DENND4A: variants seen among roughly 807,000 people sequenced by gnomAD.
The protein encoded by DENND4A is C-myc promoter-binding protein.
Under a neutral mutation model 199.3 loss-of-function variants are expected in DENND4A, and 70 were observed. That is an observed-to-expected ratio of 0.35 (90% CI 0.29 to 0.43). DENND4A has a LOEUF of 0.43. DENND4A is among the 20% of genes least tolerant of loss of function. DENND4A has a pLI of 1.00. For synonymous variants in DENND4A, 686 were observed against 766.9 expected, an observed-to-expected ratio of 0.89 and a Z score of 1.74; for missense variants, 1,723 against 2,255.8, an observed-to-expected ratio of 0.76 and a Z score of 4.78.
At chr15:65,715,788 A>C (rs2075380152) in intron 13 of DENND4A, among the ~76,000 whole-genome samples, 165 bp from the exon 14 acceptor site, 1 of 152,208 alleles carries the variant, frequency 6.6e-6, no homozygotes, top group Non-Finnish European at 1.5e-5. Flanking sequence ...AAATAGGAGA[A>C]TAGTAATAAA....
chr15:65,783,732 AAAAT>A (rs1248616512), intron 1 of DENND4A, among the ~76,000 whole-genome samples: 1 of 152,252 alleles, frequency 6.6e-6, no homozygotes, highest in Non-Finnish European at 1.5e-5. Flanking sequence ...TTTGAGCAAC[AAAAT>A]AAATAAAGTA....
At chr15:65,718,283 G>A (rs1212949092) in intron 12 of DENND4A, among the ~76,000 whole-genome samples, 1 of 152,084 alleles carries the variant, frequency 6.6e-6, no homozygotes, top group Non-Finnish European at 1.5e-5. Context: ...CTAGACCAAG[G>A]CAGGAGGATC....
At chr15:65,773,352 A>G (rs2077193008) in intron 1 of DENND4A, among the ~76,000 whole-genome samples, 1 of 152,236 alleles carries the variant, frequency 6.6e-6, no homozygotes, top group African/African-American at 2.4e-5. Context: ...CACAAAGACA[A>G]ATGAGACATG....
At chr15:65,693,267 G>T (rs193117521) in intron 22 of DENND4A, among the ~76,000 whole-genome samples, 8 of 152,212 alleles carry the variant, frequency 5.3e-5, no homozygotes, top group African/African-American at 1.7e-4. Context: ...CCTGAAAAAA[G>T]AAATAGATAT....
At chr15:65,706,759 G>A (rs993742720) in intron 14 of DENND4A, among the ~76,000 whole-genome samples, 6 of 152,142 alleles carry the variant, frequency 3.9e-5, no homozygotes, top group Admixed American at 3.3e-4. Context: ...CTCCCAAAGT[G>A]CTGGGATTAC....
At chr15:65,704,737 C>T (rs150950192) in intron 15 of DENND4A, among the ~76,000 whole-genome samples, 1 of 151,922 alleles carries the variant, frequency 6.6e-6, no homozygotes, top group Non-Finnish European at 1.5e-5. Context: ...ATTACAGGCA[C>T]CTGCAACCAT....
intron 11 of DENND4A, among the ~76,000 whole-genome samples, chr15:65,728,041 C>T (rs1045686161): frequency 6.6e-6 from 1 of 151,808 alleles, no homozygotes; most frequent in Non-Finnish European, 1.5e-5. Context: ...CAGAGTCTCC[C>T]TCCGTTACCC....
Position 65,752,537 on chromosome 15 carries a change from T to C in DENND4A, c.403A>G (p.Thr135Ala), listed in dbSNP as rs377437356. ...YGRPANISGS[T>A]SSQRIYITYR... ...GTGATATAAATTCTTTGTGATGAGG[T>C]ACTCCCACTAATATTTGCGGGGCGC... Residue 135 changes from threonine to alanine, a missense_variant, in exon 4 of 33, where the codon ACC becomes GCC. Transcript: ENST00000443035. 1.9e-6 allele frequency: 3 copies of C among 1,613,390 alleles called. No individual in the cohort carries two copies. The highest frequency in any genetic ancestry group is 1.1e-5 in the South Asian group (1 of 91,042).
intron 24 of DENND4A, among the ~76,000 whole-genome samples, chr15:65,675,314 G>A (rs1275040450): frequency 6.6e-6 from 1 of 151,860 alleles, no homozygotes; most frequent in Non-Finnish European, 1.5e-5. Context: ...ATATTAAGAA[G>A]GAAACCAGAT....
At position 65,752,535 on chromosome 15, in the gene DENND4A, G is replaced by C. The variant is rs2076595055; in HGVS notation, c.405C>G (p.Thr135=). 1 of 1,613,222 alleles carries C rather than the reference G, an allele frequency of 6.2e-7. No homozygotes were observed. Among genetic ancestry groups the C allele is most frequent in the Non-Finnish European group, 8.5e-7 (1 of 1,179,710 alleles). Residue 135 remains threonine, a synonymous_variant, in exon 4 of 33, where the codon ACC becomes ACG. Transcript: ENST00000443035. ...YGRPANISGS[T]SSQRIYITYR... ...AAGTGATATAAATTCTTTGTGATGA[G>C]GTACTCCCACTAATATTTGCGGGGC...
Position 65,701,053 on chromosome 15 carries a change from G to A in DENND4A, c.2699C>T (p.Ser900Leu). ...KHAHLSQTTLSADGSDLDAVS... is the reference protein window; with the variant it reads ...KHAHLSQTTLLADGSDLDAVS... ...AGTAAAACACATACATCCCTTACCT[G>A]AGAGAGTTGTTTGTGATAAGTGTGC... The change falls in exon 19 of 33, where the codon TCA (serine) becomes TTA (leucine). Residue 900 changes from serine (S) to leucine (L), a missense_variant and splice_region_variant. Coordinates refer to ENST00000443035, the MANE Select transcript of DENND4A (RefSeq NM_001320835.1). 2 of 1,605,518 alleles carry A rather than the reference G, an allele frequency of 1.2e-6. No individual in the cohort carries two copies. Among genetic ancestry groups the A allele is most frequent in the Non-Finnish European group, 1.7e-6 (2 of 1,177,592 alleles).
At chr15:65,771,534 TCAATA>T (rs2077125703) in intron 1 of DENND4A, 1 of 1,611,972 alleles carries the variant, frequency 6.2e-7, no homozygotes, top group Non-Finnish European at 8.5e-7. Context: ...GACACGAGGA[TCAATA>T]CAATTATGGG....
intron 14 of DENND4A, among the ~76,000 whole-genome samples, chr15:65,712,958 G>A (rs1050654522): frequency 6.6e-6 from 1 of 152,102 alleles, no homozygotes; most frequent in East Asian, 1.9e-4. Flanking sequence ...TAATCTTTGA[G>A]AGTAAGCTGC....
In DENND4A at chr15:65,691,517, A is replaced by C; in HGVS notation, c.3083-6T>G. On this transcript the variant is annotated splice_region_variant and splice_polypyrimidine_tract_variant and intron_variant, in intron 22 of 32. Transcript: ENST00000443035. ...GAGCAGCTCAGGTGTGCTTTCTGAA[A>C]AACAAGTAAAGTGCTTTTAGCCATG... 1 of 1,565,680 alleles carries C rather than the reference A, an allele frequency of 6.4e-7. No individual in the cohort carries two copies. The highest frequency in any genetic ancestry group is 8.6e-7 in the Non-Finnish European group (1 of 1,158,422).
At chr15:65,763,519 A>G (rs1361864817) in intron 1 of DENND4A, among the ~76,000 whole-genome samples, 3 of 151,946 alleles carry the variant, frequency 2.0e-5, no homozygotes. Context: ...TACAAAAAAT[A>G]CCAAAGTAGC....
chr15:65,730,594 T>C (rs1383324839), intron 9 of DENND4A, among the ~76,000 whole-genome samples: 2 of 152,066 alleles, frequency 1.3e-5, no homozygotes, highest in Non-Finnish European at 2.9e-5. Flanking sequence ...TTGAAAACAT[T>C]AATCTAAGTC....
Position 65,669,355 on chromosome 15 carries a change from C to T in DENND4A, c.4787+424G>A, listed in dbSNP as rs190210062. On this transcript the variant is annotated intron_variant, in intron 27 of 32. Transcript: ENST00000443035. ...TACTATATAAATTTTAGTTTAATTT[C>T]GCAGTTCCTATATCAGCTCCAAATG... Among the ~76,000 whole-genome samples, 258 of 152,228 alleles carry T rather than the reference C, an allele frequency of 1.7e-3. 2 individuals are homozygous for T. The highest frequency in any genetic ancestry group is 0.013 in the South Asian group (64 of 4,818).
chr15:65,712,060 T>C (rs976106907), intron 14 of DENND4A, among the ~76,000 whole-genome samples: 1 of 152,218 alleles, frequency 6.6e-6, no homozygotes, highest in African/African-American at 2.4e-5. Flanking sequence ...GGAAAATGAA[T>C]TGAGAATTTT....
At chr15:65,736,070 A>G (rs1442531161) in intron 7 of DENND4A, among the ~76,000 whole-genome samples, 1 of 152,136 alleles carries the variant, frequency 6.6e-6, no homozygotes, top group East Asian at 1.9e-4. Context: ...TAATGCTCAA[A>G]AACTTTTCTA....
Sources: gnomAD v4.1 joint callset for allele counts (sites outside exome capture counted in the v4.1 genomes callset) on GRCh38, gnomAD v4.1.1 for gene constraint, MANE v1.5 for transcripts, NCBI Gene and HGNC (gene_info 2026-07-23, HGNC 2026-07-21) for gene names.